SUZ12: variants seen among roughly 807,000 people sequenced by gnomAD.
The protein encoded by SUZ12 is SUZ12 polycomb repressive complex 2 subunit, also known as polycomb protein SUZ12.
In SUZ12, 17 loss-of-function variants were observed where a neutral mutation model predicts 87.3. That is an observed-to-expected ratio of 0.19 (90% CI 0.13 to 0.29). SUZ12 has a LOEUF of 0.29. Among genes scored for constraint, SUZ12 ranks in the 10% least tolerant of loss-of-function variants. SUZ12 has a pLI of 1.00. For missense variants in SUZ12, 526 were observed against 912.2 expected (o/e 0.58, Z 5.45); for synonymous variants, 253 against 312.4 (o/e 0.81, Z 2.01).
In SUZ12 at chr17:31,999,486, TA is replaced by T; in HGVS notation, c.*484del. The T allele has an allele frequency of 4.3e-6, 1 of 231,446 alleles. No homozygotes were observed. Among genetic ancestry groups the T allele is most frequent in the Non-Finnish European group, 8.5e-6 (1 of 116,994 alleles). 14.3% of individuals were successfully genotyped at this position (231,446 alleles called of 1,614,324 possible). A position where few individuals can be genotyped will look rare whatever the true frequency, so the allele number is the denominator to read the frequency against. On this transcript the variant is annotated 3_prime_UTR_variant, in exon 16 of 16. Transcript: ENST00000322652. ...AGAAATTGAAGGATTTTTATGAAAT[TA>T]TATTGCATTACTATTTGCAGTCAAA...
At chr17:31,982,350 A>G (rs769357759) in intron 8 of SUZ12, among the ~76,000 whole-genome samples, 10 of 152,146 alleles carry the variant, frequency 6.6e-5, no homozygotes, top group East Asian at 1.9e-4. Context: ...TTGTAACACT[A>G]TTATCCTATT....
At chr17:31,969,206 G>A (rs1165995871) in intron 5 of SUZ12, among the ~76,000 whole-genome samples, 2 of 151,986 alleles carry the variant, frequency 1.3e-5, no homozygotes, top group Non-Finnish European at 2.9e-5. Flanking sequence ...GTGCAATGGC[G>A]CAATCTCGGC....
At chr17:31,977,156 G>T (rs889343213) in intron 8 of SUZ12, among the ~76,000 whole-genome samples, 9 of 151,478 alleles carry the variant, frequency 5.9e-5, no homozygotes, top group African/African-American at 2.2e-4. Flanking sequence ...TGTACCTGTA[G>T]TTCCAGCTAC....
intron 1 of SUZ12, among the ~76,000 whole-genome samples, chr17:31,939,178 A>C (rs1906121451): frequency 6.6e-6 from 1 of 152,196 alleles, no homozygotes; most frequent in African/African-American, 2.4e-5. Context: ...TTGAGGTAAT[A>C]TTTATATTGA....
chr17:31,939,029 G>C (rs2627178), intron 1 of SUZ12, among the ~76,000 whole-genome samples: 1 of 152,102 alleles, frequency 6.6e-6, no homozygotes, highest in African/African-American at 2.4e-5. Context: ...TAATGTAACT[G>C]ATATAATAGT....
intron 5 of SUZ12, 160 bp downstream of exon 5, chr17:31,966,356 G>T: frequency 1.5e-6 from 1 of 686,792 alleles, no homozygotes; most frequent in South Asian, 1.9e-5. Flanking sequence ...GGCTAATGAT[G>T]AAATTTGTTT....
chr17:31,948,151 CTT>C (rs976210350), intron 4 of SUZ12, among the ~76,000 whole-genome samples: 3 of 151,250 alleles, frequency 2.0e-5, no homozygotes, highest in African/African-American at 7.4e-5. Context: ...ATATTCATAA[CTT>C]TTATTTCATA....
intron 5 of SUZ12, among the ~76,000 whole-genome samples, chr17:31,970,534 A>G (rs1908364574): frequency 6.6e-6 from 1 of 152,046 alleles, no homozygotes; most frequent in African/African-American, 2.4e-5. Flanking sequence ...AGATTGAATC[A>G]TGAGAATTGC....
At chr17:31,978,295 G>C (rs1908877571) in intron 8 of SUZ12, among the ~76,000 whole-genome samples, 1 of 152,094 alleles carries the variant, frequency 6.6e-6, no homozygotes, top group South Asian at 2.1e-4. Flanking sequence ...TGCAACCTCT[G>C]CCTCCTGGGT....
intron 8 of SUZ12, among the ~76,000 whole-genome samples, chr17:31,977,469 C>T (rs776084402): frequency 1.2e-4 from 18 of 151,986 alleles, no homozygotes; most frequent in Non-Finnish European, 2.1e-4. Flanking sequence ...TCAGTAGAGA[C>T]GGGTTTCACC....
At chr17:31,989,329 G>A (rs560720058) in intron 10 of SUZ12, among the ~76,000 whole-genome samples, 1 of 152,100 alleles carries the variant, frequency 6.6e-6, no homozygotes, top group East Asian at 1.9e-4. Context: ...TGTTGAAGTA[G>A]TAGTAAAAAT....
chr17:31,996,125 G>A (rs778474987), intron 14 of SUZ12, among the ~76,000 whole-genome samples: 8 of 152,076 alleles, frequency 5.3e-5, no homozygotes, highest in South Asian at 2.1e-4. Context: ...CAGGAGAGTC[G>A]CTTAACCCCA....
At chr17:31,952,313 G>C (rs1415877019) in intron 4 of SUZ12, among the ~76,000 whole-genome samples, 1 of 152,118 alleles carries the variant, frequency 6.6e-6, no homozygotes, top group African/African-American at 2.4e-5. Context: ...TTTCAGATTG[G>C]CTTCCCAAAG....
chr17:31,980,429 CTTTTTTTTTTTTTTTTTTTTTTT>C lies in SUZ12; in HGVS notation c.918-2555_918-2533del, dbSNP rs58491591. Among the ~76,000 whole-genome samples the C allele has an allele frequency of 8.7e-4, 47 of 53,832 alleles. 1 individual carries two copies. Among genetic ancestry groups the C allele is most frequent in the South Asian group, 1.9e-3 (2 of 1,046 alleles). The allele number at this position is 53,832 out of a possible 152,430, so 35.3% of individuals were successfully genotyped here. A position where few individuals can be genotyped will look rare whatever the true frequency, so the allele number is the denominator to read the frequency against. On this transcript the variant is annotated intron_variant, in intron 8 of 15. Coordinates refer to ENST00000322652, the MANE Select transcript of SUZ12 (RefSeq NM_015355.4). ...TAAGATATACCAGAATCACCTTCTC[CTTTTTTTTTTTTTTTTTTTTTTT>C]TTTTTTTTTTTTTTGAGACGGAGTT...
At chr17:31,959,541 G>T (rs905627567) in intron 4 of SUZ12, among the ~76,000 whole-genome samples, 1 of 152,180 alleles carries the variant, frequency 6.6e-6, no homozygotes, top group African/African-American at 2.4e-5. Flanking sequence ...AGGATGAAAT[G>T]TATATAACAA....
At chr17:31,957,771 C>T (rs1202354947) in intron 4 of SUZ12, among the ~76,000 whole-genome samples, 1 of 151,734 alleles carries the variant, frequency 6.6e-6, no homozygotes, top group East Asian at 1.9e-4. Context: ...GCCTCGAATT[C>T]TTGACCTCAA....
chr17:31,991,617 T>G (rs921970218), intron 10 of SUZ12, among the ~76,000 whole-genome samples: 1 of 152,104 alleles, frequency 6.6e-6, no homozygotes, highest in East Asian at 1.9e-4. Flanking sequence ...ATAATTATTT[T>G]TTTTGGAGAC....
chr17:31,941,295 C>A (rs1906264540), intron 3 of SUZ12, among the ~76,000 whole-genome samples: 1 of 151,224 alleles, frequency 6.6e-6, no homozygotes, highest in Non-Finnish European at 1.5e-5. Context: ...TCACTCTTGT[C>A]CCCCACGCTG....
At position 31,983,229 on chromosome 17, in the gene SUZ12, C is replaced by T. The variant is rs887852319; in HGVS notation, c.1023+125C>T. The T allele has an allele frequency of 1.4e-5, 9 of 657,154 alleles. No individual in the cohort carries two copies. In the African/African-American group the frequency reaches 1.7e-4, roughly 13 times the overall value. 40.7% of individuals were successfully genotyped at this position (657,154 alleles called of 1,614,324 possible). ...CCTTTGTTTTTTATACTTTAAAAAA[C>T]ACAAGTAAATGATCTAGTCAGAGCA... On this transcript the variant is annotated intron_variant, in intron 9 of 15. Transcript: ENST00000322652.
Sources: allele counts gnomAD v4.1 joint callset (sites outside exome capture counted in the v4.1 genomes callset), GRCh38; gene constraint gnomAD v4.1.1; transcripts MANE v1.5; gene names NCBI Gene and HGNC (gene_info 2026-07-23, HGNC 2026-07-21).